OMA1: variants seen among roughly 807,000 people sequenced by gnomAD.
OMA1 encodes the protein OMA1 zinc metallopeptidase.
Under a neutral mutation model 30.9 loss-of-function variants are expected in OMA1, and 38 were observed. That is an observed-to-expected ratio of 1.23 (90% CI 0.95 to 1.61). The LOEUF (loss-of-function observed/expected upper bound fraction) is 1.61, where lower values mean the gene tolerates loss of function less well. Among genes scored for constraint, OMA1 ranks in the 40% most tolerant of loss-of-function variants. The pLI, the probability that OMA1 is intolerant of heterozygous loss-of-function variation, is 0.00. For synonymous variants in OMA1, 173 were observed against 121.9 expected, an observed-to-expected ratio of 1.42 and a Z score of -2.76; for missense variants, 461 against 349.2, an observed-to-expected ratio of 1.32 and a Z score of -2.55.
intron 8 of OMA1, among the ~76,000 whole-genome samples, chr1:58,504,609 C>T (rs969570784): frequency 6.6e-6 from 1 of 152,124 alleles, no homozygotes; most frequent in Admixed American, 6.5e-5. Flanking sequence ...AGAAAACAGA[C>T]TGTTTTGTTC....
chr1:58,480,792 C>A lies in OMA1; in HGVS notation c.*173G>T, dbSNP rs1645466350. ...TATTTTAACATAGATTAAAATACAT[C>A]AATATTTCATGAAAAATAAATTCTA... On this transcript the variant is annotated 3_prime_UTR_variant, in exon 9 of 9. Transcript: ENST00000371226. 9 of 504,646 alleles carry A rather than the reference C, an allele frequency of 1.8e-5. No homozygotes were observed. Among genetic ancestry groups the A allele is most frequent in the Non-Finnish European group, 3.1e-5 (9 of 294,604 alleles). 31.3% of individuals were successfully genotyped at this position (504,646 alleles called of 1,614,324 possible). A position where few individuals can be genotyped will look rare whatever the true frequency, so the allele number is the denominator to read the frequency against.
intron 6 of OMA1, among the ~76,000 whole-genome samples, chr1:58,528,168 T>C (rs1353512532): frequency 6.6e-6 from 1 of 152,230 alleles, no homozygotes; most frequent in East Asian, 1.9e-4. Context: ...ATGATGTATA[T>C]CATATAATGC....
intron 1 of OMA1, among the ~76,000 whole-genome samples, chr1:58,539,516 T>C (rs1348281386): frequency 6.6e-6 from 1 of 150,908 alleles, no homozygotes; most frequent in Non-Finnish European, 1.5e-5. Context: ...CTATGCAACG[T>C]TTACTTTAGA....
intron 2 of OMA1, among the ~76,000 whole-genome samples, chr1:58,536,962 A>AT (rs1215988296): frequency 6.6e-6 from 1 of 152,012 alleles, no homozygotes; most frequent in African/African-American, 2.4e-5. Context: ...ACTCATCGAA[A>AT]TTTTCTTCTT....
intron 8 of OMA1, among the ~76,000 whole-genome samples, chr1:58,490,179 A>C (rs899492474): frequency 6.6e-6 from 1 of 152,192 alleles, no homozygotes; most frequent in Non-Finnish European, 1.5e-5. Context: ...ATGGCAAAGA[A>C]GTTAAAAATC....
chr1:58,520,324 A>C (rs1400168784), intron 7 of OMA1, among the ~76,000 whole-genome samples: 1 of 152,244 alleles, frequency 6.6e-6, no homozygotes, highest in Non-Finnish European at 1.5e-5. Context: ...CTGACAAAGA[A>C]CTTGCACCTA....
chr1:58,531,381 T>C (rs977967174), intron 5 of OMA1, among the ~76,000 whole-genome samples: 1 of 152,196 alleles, frequency 6.6e-6, no homozygotes, highest in African/African-American at 2.4e-5. Context: ...AGAATCAGGT[T>C]CTATGAATTT....
chr1:58,535,288 T>C (rs1163747500), intron 3 of OMA1, among the ~76,000 whole-genome samples: 1 of 152,136 alleles, frequency 6.6e-6, no homozygotes. Flanking sequence ...TTTCATAAAG[T>C]GTATGCTTTT....
chr1:58,522,840 G>A (rs1278735841), intron 7 of OMA1, among the ~76,000 whole-genome samples: 1 of 152,170 alleles, frequency 6.6e-6, no homozygotes, highest in Non-Finnish European at 1.5e-5. Context: ...TCATTAAGTG[G>A]AAGTGGATCA....
chr1:58,513,382 G>C (rs1231782028), intron 7 of OMA1, among the ~76,000 whole-genome samples: 1 of 152,086 alleles, frequency 6.6e-6, no homozygotes, highest in Non-Finnish European at 1.5e-5. Flanking sequence ...TTTCTTTACA[G>C]CACTGTGAAA....
intron 7 of OMA1, among the ~76,000 whole-genome samples, chr1:58,517,248 G>A (rs1370167533): frequency 6.6e-6 from 1 of 152,164 alleles, no homozygotes; most frequent in East Asian, 1.9e-4. Context: ...GCTAGACAAG[G>A]TGTAAAATCC....
At chr1:58,508,910 C>T (rs1240525447) in intron 7 of OMA1, among the ~76,000 whole-genome samples, 1 of 152,112 alleles carries the variant, frequency 6.6e-6, no homozygotes, top group African/African-American at 2.4e-5. Context: ...AAGGGACTGG[C>T]TTCTGTCTCA....
At chr1:58,501,940 G>A (rs1012263576) in intron 8 of OMA1, among the ~76,000 whole-genome samples, 3 of 148,388 alleles carry the variant, frequency 2.0e-5, no homozygotes, top group South Asian at 2.1e-4. Flanking sequence ...CCCCACTCCC[G>A]CCCCCAGCAC....
intron 6 of OMA1, 49 bp from the exon 7 acceptor site, chr1:58,527,384 A>C: frequency 2.4e-6 from 2 of 841,164 alleles, no homozygotes; most frequent in South Asian, 2.7e-5. Flanking sequence ...TATTTCACGA[A>C]AAAAGGAGTA....
chr1:58,491,765 C>CAAGT (rs1645695926), intron 8 of OMA1, among the ~76,000 whole-genome samples: 1 of 152,196 alleles, frequency 6.6e-6, no homozygotes, highest in African/African-American at 2.4e-5. Context: ...ATTCATAAAG[C>CAAGT]AAGTCCTTAG....
At chr1:58,505,099 C>T (rs936387803) in intron 8 of OMA1, among the ~76,000 whole-genome samples, 1 of 152,134 alleles carries the variant, frequency 6.6e-6, no homozygotes, top group Non-Finnish European at 1.5e-5. Context: ...ATTACAGGCG[C>T]ATGCCACCAC....
chr1:58,485,624 T>C (rs182472538), intron 8 of OMA1, among the ~76,000 whole-genome samples: 14 of 152,168 alleles, frequency 9.2e-5, no homozygotes, highest in Non-Finnish European at 1.9e-4. Flanking sequence ...TTCCTTTCCA[T>C]ATTCATTTTA....
chr1:58,516,195 C>A (rs989066821), intron 7 of OMA1, among the ~76,000 whole-genome samples: 3 of 152,122 alleles, frequency 2.0e-5, no homozygotes, highest in Non-Finnish European at 4.4e-5. Flanking sequence ...CAATCAAAAA[C>A]AATCATACAC....
chr1:58,503,757 A>T (rs1217532441), intron 8 of OMA1, among the ~76,000 whole-genome samples: 1 of 152,114 alleles, frequency 6.6e-6, no homozygotes, highest in Non-Finnish European at 1.5e-5. Flanking sequence ...TGGATCTAAG[A>T]TTTCACAGCC....
Sources: allele counts gnomAD v4.1 joint callset (sites outside exome capture counted in the v4.1 genomes callset), GRCh38; gene constraint gnomAD v4.1.1; transcripts MANE v1.5; gene names NCBI Gene and HGNC (gene_info 2026-07-23, HGNC 2026-07-21).